The following HDAC9 variants were observed in gnomAD, a reference collection of about 807,000 sequenced individuals.
HDAC9 encodes the protein MEF-2 interacting transcription repressor (MITR) protein.
HDAC9 carries 41 observed loss-of-function variants against 139.4 expected under a neutral mutation model. The observed-to-expected ratio is 0.29, with a 90% CI of 0.23 to 0.38. The LOEUF is 0.38. HDAC9 is among the 10% of genes least tolerant of loss of function. HDAC9 has a pLI of 1.00. For missense variants in HDAC9, 1,147 were observed against 1,297.0 expected (o/e 0.88, Z 1.78); for synonymous variants, 517 against 476.2 (o/e 1.09, Z -1.12).
intron 1 of HDAC9, among the ~76,000 whole-genome samples, chr7:18,402,055 C>G (rs1038929221): frequency 6.6e-6 from 1 of 152,092 alleles, no homozygotes; most frequent in East Asian, 1.9e-4. Flanking sequence ...TTTGTAAATG[C>G]CTTCAGTACC....
chr7:18,426,187 A>G (rs1373333574), intron 1 of HDAC9, among the ~76,000 whole-genome samples: 1 of 152,208 alleles, frequency 6.6e-6, no homozygotes. Context: ...TGGTTGATAT[A>G]TATCAAGAGC....
At chr7:18,232,096 A>C (rs1035629085) in intron 2 of HDAC9, among the ~76,000 whole-genome samples, 5 of 152,224 alleles carry the variant, frequency 3.3e-5, no homozygotes, top group Non-Finnish European at 5.9e-5. Flanking sequence ...CATATAAAAT[A>C]AGCACACTTT....
At chr7:18,361,852 A>G (rs1464392890) in intron 1 of HDAC9, among the ~76,000 whole-genome samples, 2 of 152,154 alleles carry the variant, frequency 1.3e-5, no homozygotes, top group Admixed American at 1.3e-4. Flanking sequence ...AAGCCAACTA[A>G]TTACTGATAC....
intron 2 of HDAC9, among the ~76,000 whole-genome samples, chr7:18,201,526 A>C (rs1463687126): frequency 6.6e-6 from 1 of 152,218 alleles, no homozygotes; most frequent in Admixed American, 6.5e-5. Context: ...TTCCTGGTCC[A>C]GCCCTCATCT....
At chr7:18,993,493 A>G (rs1335953053) in intron 25 of HDAC9, among the ~76,000 whole-genome samples, 1 of 152,194 alleles carries the variant, frequency 6.6e-6, no homozygotes, top group East Asian at 1.9e-4. Flanking sequence ...TAACACTTCT[A>G]TGCTGCAAGA....
intron 12 of HDAC9, among the ~76,000 whole-genome samples, chr7:18,682,348 A>G (rs1428374779): frequency 6.6e-6 from 1 of 151,988 alleles, no homozygotes; most frequent in Non-Finnish European, 1.5e-5. Context: ...GGGATTCATT[A>G]TTGTAATTTA....
At position 18,968,055 on chromosome 7, in the gene HDAC9, G is replaced by A. The variant is rs111990008; in HGVS notation, c.3023-7751G>A. Among the ~76,000 whole-genome samples, 30 of 152,038 alleles carry A rather than the reference G, an allele frequency of 2.0e-4. 1 individual carries two copies. In the East Asian group the frequency reaches 4.5e-3, roughly 23 times the overall value. ...CATATGCCCGTAATCCCAGCTTCTC[G>A]GGAGGCCGAGGCAAGAGAATCGCTT... On this transcript the variant is annotated intron_variant, in intron 24 of 25. Coordinates refer to ENST00000686413, the MANE Select transcript of HDAC9 (RefSeq NM_178425.4).
At chr7:18,144,273 T>C (rs1786131735) in intron 1 of HDAC9, among the ~76,000 whole-genome samples, 1 of 152,228 alleles carries the variant, frequency 6.6e-6, no homozygotes, top group Admixed American at 6.5e-5. Flanking sequence ...CTTCCCACAG[T>C]TCATGGAAAG....
chr7:18,557,490 A>G (rs948126961), intron 2 of HDAC9, among the ~76,000 whole-genome samples: 1 of 151,052 alleles, frequency 6.6e-6, no homozygotes, highest in African/African-American at 2.4e-5. Context: ...CATCTATAAT[A>G]TATAGAGATA....
intron 2 of HDAC9, among the ~76,000 whole-genome samples, chr7:18,181,491 G>C (rs934198933): frequency 2.0e-5 from 3 of 152,198 alleles, no homozygotes; most frequent in Non-Finnish European, 4.4e-5. Context: ...CTCAGTACTT[G>C]TAAATCATTT....
chr7:18,243,444 C>T (rs1476735194), intron 2 of HDAC9, among the ~76,000 whole-genome samples: 1 of 152,206 alleles, frequency 6.6e-6, no homozygotes, highest in Non-Finnish European at 1.5e-5. Flanking sequence ...ACAGCTTTAC[C>T]TGGGCATGGA....
chr7:18,144,998 G>T (rs1320325917), intron 1 of HDAC9, among the ~76,000 whole-genome samples: 1 of 152,134 alleles, frequency 6.6e-6, no homozygotes, highest in African/African-American at 2.4e-5. Flanking sequence ...CACCGACTCT[G>T]GGAACACTCC....
chr7:18,148,205 G>A (rs1786492318), intron 1 of HDAC9, among the ~76,000 whole-genome samples: 1 of 152,186 alleles, frequency 6.6e-6, no homozygotes, highest in African/African-American at 2.4e-5. Flanking sequence ...TTCTATAGAT[G>A]AGAAATCTGA....
At chr7:18,172,149 A>G (rs1788501790) in intron 2 of HDAC9, among the ~76,000 whole-genome samples, 1 of 152,156 alleles carries the variant, frequency 6.6e-6, no homozygotes, top group South Asian at 2.1e-4. Context: ...TCAGAGGTTC[A>G]ACTTCTTCCT....
At position 18,504,244 on chromosome 7, in the gene HDAC9, G is replaced by GT. The variant is rs760839001; in HGVS notation, c.22+7927dup. ...TAGAAAGTTATCACCACCCGTTTTT[G>GT]TTTTTTTCTGTCATACTCCTCTCTG... is the stretch of plus-strand genomic sequence containing the variant. On this transcript the variant is annotated intron_variant, in intron 2 of 25. Transcript: ENST00000686413. 3.3e-5 allele frequency among the ~76,000 whole-genome samples: 5 copies of GT among 151,954 alleles called. No individual in the cohort carries two copies. The East Asian group carries it at 7.7e-4, about 23-fold the overall frequency.
chr7:18,349,501 G>C (rs928580469), intron 1 of HDAC9, among the ~76,000 whole-genome samples: 7 of 151,976 alleles, frequency 4.6e-5, no homozygotes, highest in African/African-American at 1.7e-4. Flanking sequence ...GTAGCTTAAT[G>C]TTATCTGCTT....
intron 25 of HDAC9, among the ~76,000 whole-genome samples, chr7:18,993,828 C>A (rs768394583): frequency 2.6e-5 from 4 of 151,586 alleles, no homozygotes; most frequent in African/African-American, 7.3e-5. Context: ...AATGAAAGAG[C>A]GAGAGAGAGA....
At chr7:18,792,978 C>G (rs1450259930) in intron 16 of HDAC9, among the ~76,000 whole-genome samples, 1 of 152,104 alleles carries the variant, frequency 6.6e-6, no homozygotes, top group Non-Finnish European at 1.5e-5. Context: ...TTTACTCTAT[C>G]TACTACTGGG....
intron 21 of HDAC9, among the ~76,000 whole-genome samples, chr7:18,850,316 T>C (rs989491068): frequency 6.6e-6 from 1 of 152,138 alleles, no homozygotes; most frequent in South Asian, 2.1e-4. Context: ...TGGCCAATGA[T>C]GATGTGGCTG....
Sources: allele counts gnomAD v4.1 joint callset (sites outside exome capture counted in the v4.1 genomes callset), GRCh38; gene constraint gnomAD v4.1.1; transcripts MANE v1.5; gene names NCBI Gene and HGNC (gene_info 2026-07-23, HGNC 2026-07-21).